TRAF3IP3: variants seen among roughly 807,000 people sequenced by gnomAD.
TRAF3IP3 encodes the protein TRAF3 interacting protein 3.
TRAF3IP3 carries 64 observed loss-of-function variants against 86.5 expected under a neutral mutation model. The observed-to-expected ratio is 0.74, with a 90% CI of 0.60 to 0.91. The LOEUF (loss-of-function observed/expected upper bound fraction) is 0.91, where lower values mean the gene tolerates loss of function less well. Ranked by LOEUF, TRAF3IP3 falls within the 40% of genes least tolerant of loss-of-function variation. The probability of loss-of-function intolerance (pLI) is 0.00; values close to 1 mark genes in which losing one functional copy is unlikely to be tolerated. For missense variants in TRAF3IP3, 579 were observed against 642.9 expected, an observed-to-expected ratio of 0.90 and a Z score of 1.07; for synonymous variants, 220 against 243.9, an observed-to-expected ratio of 0.90 and a Z score of 0.91.
At chr1:209,761,752 G>C (rs1331879042) in intron 3 of TRAF3IP3, among the ~76,000 whole-genome samples, 4 of 152,234 alleles carry the variant, frequency 2.6e-5, no homozygotes, top group African/African-American at 4.8e-5. Flanking sequence ...TACACAGACA[G>C]AAGACTGAGA....
chr1:209,768,004 T>C (rs1454777800), intron 8 of TRAF3IP3, among the ~76,000 whole-genome samples: 1 of 152,072 alleles, frequency 6.6e-6, no homozygotes, highest in Non-Finnish European at 1.5e-5. Context: ...CCCCCTAGCT[T>C]CCAGTTTTAA....
chr1:209,781,682 T>C, intron 16 of TRAF3IP3: 1 of 503,128 alleles, frequency 2.0e-6, no homozygotes, highest in South Asian at 2.4e-5. Flanking sequence ...AGGAAAGACT[T>C]ACTCTTAGCT....
intron 8 of TRAF3IP3, among the ~76,000 whole-genome samples, chr1:209,764,276 G>A (rs1342333220): frequency 3.9e-5 from 6 of 152,070 alleles, no homozygotes. Flanking sequence ...AAAGACACAT[G>A]ACTAAACAAT....
intron 9 of TRAF3IP3, among the ~76,000 whole-genome samples, chr1:209,774,143 C>T (rs1157241141): frequency 7.9e-5 from 12 of 152,208 alleles, no homozygotes; most frequent in Non-Finnish European, 1.3e-4. Flanking sequence ...TCCGAAATCA[C>T]AGGGCATAAA....
intron 8 of TRAF3IP3, among the ~76,000 whole-genome samples, chr1:209,770,427 AGGTGTGTGTGTG>A: frequency 6.9e-6 from 1 of 145,538 alleles, no homozygotes; most frequent in Admixed American, 6.8e-5. Flanking sequence ...GTGCATGTGG[AGGTGTGTGTGTG>A]CAGGTGGAGG....
Position 209,782,205 on chromosome 1 carries a change from C to T in TRAF3IP3, c.*57C>T. ...CAGAAGCAAGCAACTCAGCGAAAAA[C>T]TCAGAAGGTTTGGGTACATTACAGC... is the stretch of plus-strand genomic sequence containing the variant. On this transcript the variant is annotated 3_prime_UTR_variant, in exon 17 of 17. Transcript: ENST00000367025. The T allele has an allele frequency of 7.0e-7, 1 of 1,434,798 alleles. No homozygotes were observed. The highest frequency in any genetic ancestry group is 9.8e-7 in the Non-Finnish European group (1 of 1,016,778). 88.9% of individuals were successfully genotyped at this position (1,434,798 alleles called of 1,614,324 possible).
At chr1:209,756,656 C>T (rs1376448589) in intron 1 of TRAF3IP3, among the ~76,000 whole-genome samples, 2 of 152,226 alleles carry the variant, frequency 1.3e-5, no homozygotes, top group Non-Finnish European at 2.9e-5. Context: ...ACAAGACTGC[C>T]TTCCCAGCAG....
intron 6 of TRAF3IP3, 100 bp downstream of exon 6, chr1:209,763,192 C>A (rs2077278583): frequency 2.1e-6 from 3 of 1,437,102 alleles, no homozygotes; most frequent in African/African-American, 1.4e-5. Context: ...GGGGCATCTT[C>A]TTCCTGGATG....
At position 209,775,334 on chromosome 1, in the gene TRAF3IP3, G is replaced by T. The variant is rs752055785; in HGVS notation, c.775-15G>T. 15 of 1,601,048 alleles carry T rather than the reference G, an allele frequency of 9.4e-6. No individual in the cohort carries two copies. In the South Asian group the frequency reaches 1.5e-4, roughly 15 times the overall value. On this transcript the variant is annotated splice_polypyrimidine_tract_variant and intron_variant, in intron 9 of 16. Transcript: ENST00000367025. ...AAGCTCAATGTGTATTTGTTGAATT[G>T]CATCAAATTTACAGAAATACTCCCC...
intron 1 of TRAF3IP3, among the ~76,000 whole-genome samples, chr1:209,757,074 C>T (rs1423336731): frequency 1.3e-5 from 2 of 152,182 alleles, no homozygotes; most frequent in East Asian, 3.9e-4. Flanking sequence ...TCAGTAGGGT[C>T]CAGATATCCC....
At position 209,765,650 on chromosome 1, in the gene TRAF3IP3, G is replaced by C. The variant is rs538987751; in HGVS notation, c.702+2063G>C. 3.3e-5 allele frequency among the ~76,000 whole-genome samples: 5 copies of C among 152,172 alleles called. No homozygotes were observed. In the South Asian group the frequency reaches 1.0e-3, roughly 32 times the overall value. The stretch of plus-strand genomic sequence containing the variant: ...CCACTGCATTCCAGCCTGGGCGATG[G>C]GAGTGAAACTCTGTCTCAAAAAAGA... On this transcript the variant is annotated intron_variant, in intron 8 of 16. Transcript: ENST00000367025.
intron 5 of TRAF3IP3, 83 bp downstream of exon 5, chr1:209,762,953 T>G (rs2077273174): frequency 1.1e-5 from 18 of 1,603,646 alleles, no homozygotes; most frequent in Non-Finnish European, 1.5e-5. Context: ...CCGCCTTAAT[T>G]AAGAAAGAGG....
chr1:209,762,504 T>C lies in TRAF3IP3; in HGVS notation c.346-11T>C, dbSNP rs1206680523. 1 of 1,446,904 alleles carries C rather than the reference T, an allele frequency of 6.9e-7. No individual in the cohort carries two copies. The highest frequency in any genetic ancestry group is 9.1e-7 in the Non-Finnish European group (1 of 1,096,440). 89.6% of individuals were successfully genotyped at this position (1,446,904 alleles called of 1,614,324 possible). A position where few individuals can be genotyped will look rare whatever the true frequency, so the allele number is the denominator to read the frequency against. On this transcript the variant is annotated splice_polypyrimidine_tract_variant and intron_variant, in intron 3 of 16. Coordinates refer to ENST00000367025, the MANE Select transcript of TRAF3IP3 (RefSeq NM_025228.4). ...GGCAGTGGTTTTCAGCATTCCCCACTTGCCTTCCAGGTGACAGGCACCAGC... is the reference window on the plus strand; with the variant it reads ...GGCAGTGGTTTTCAGCATTCCCCACCTGCCTTCCAGGTGACAGGCACCAGC...
chr1:209,763,488 C>T lies in TRAF3IP3; in HGVS notation c.607-4C>T, dbSNP rs756315411. On this transcript the variant is annotated splice_polypyrimidine_tract_variant and splice_region_variant and intron_variant, in intron 7 of 16. Transcript: ENST00000367025. ...CCTCTTGCACTTTGTGCCCGCACCCCCAGGAGGCCCTACAAAGGGAGCTGG... is the reference window on the plus strand; with the variant it reads ...CCTCTTGCACTTTGTGCCCGCACCCTCAGGAGGCCCTACAAAGGGAGCTGG... 6 of 1,614,144 alleles carry T rather than the reference C, an allele frequency of 3.7e-6. No homozygotes were observed. In the East Asian group the frequency reaches 1.1e-4, roughly 30 times the overall value.
intron 8 of TRAF3IP3, among the ~76,000 whole-genome samples, chr1:209,764,692 T>A (rs1195273997): frequency 7.0e-6 from 1 of 143,546 alleles, no homozygotes; most frequent in African/African-American, 2.7e-5. Flanking sequence ...TGCAGTAAGC[T>A]GAGATCACCT....
intron 3 of TRAF3IP3, among the ~76,000 whole-genome samples, chr1:209,761,791 T>G (rs1469554443): frequency 1.3e-5 from 2 of 152,148 alleles, no homozygotes; most frequent in African/African-American, 4.8e-5. Context: ...TGAACCCAGA[T>G]CCCCTCACTC....
intron 9 of TRAF3IP3, 74 bp downstream of exon 9, chr1:209,773,093 T>G (rs1334021744): frequency 7.5e-7 from 1 of 1,334,516 alleles, no homozygotes; most frequent in East Asian, 2.5e-5. Flanking sequence ...AACCTCAATC[T>G]TACTTTCGAG....
intron 1 of TRAF3IP3, among the ~76,000 whole-genome samples, chr1:209,758,218 C>G (rs2102422732): frequency 6.6e-6 from 1 of 152,290 alleles, no homozygotes; most frequent in African/African-American, 2.4e-5. Context: ...AGGGACCACC[C>G]CCTATGCCCA....
chr1:209,776,859 C>G (rs948538282), intron 11 of TRAF3IP3: 1 of 152,110 alleles, frequency 6.6e-6, no homozygotes, highest in Non-Finnish European at 1.5e-5. Context: ...TTTATATATT[C>G]TAATTTATGT....
Sources: allele counts gnomAD v4.1 joint callset (sites outside exome capture counted in the v4.1 genomes callset), GRCh38; gene constraint gnomAD v4.1.1; transcripts MANE v1.5; gene names NCBI Gene and HGNC (gene_info 2026-07-23, HGNC 2026-07-21).